Variants in TRIM36 observed in about 807,000 individuals in gnomAD.
TRIM36 encodes tripartite motif containing 36.
TRIM36 carries 42 observed loss-of-function variants against 72.4 expected under a neutral mutation model. The ratio of observed to expected loss-of-function variants is 0.58; its 90% confidence interval spans 0.45 to 0.75. TRIM36 has a LOEUF of 0.75. Among genes scored for constraint, TRIM36 ranks in the 30% least tolerant of loss-of-function variants. The pLI is 0.00. For synonymous variants in TRIM36, 315 were observed against 282.8 expected, an observed-to-expected ratio of 1.11 and a Z score of -1.14; for missense variants, 913 against 857.1, an observed-to-expected ratio of 1.07 and a Z score of -0.81.
chr5:115,165,040 A>C (rs6594879), intron 1 of TRIM36, among the ~76,000 whole-genome samples: 83,920 of 152,096 alleles, frequency 0.55, 25,878 homozygotes, highest in African/African-American at 0.83. Flanking sequence ...CCTTTGACTC[A>C]ATGTCTCTCA....
upstream of TRIM36, among the ~76,000 whole-genome samples, chr5:115,170,163 C>A (rs1424406514): frequency 6.8e-6 from 1 of 147,780 alleles, no homozygotes; most frequent in Non-Finnish European, 1.5e-5. Context: ...CCCGGGTAGT[C>A]GCCCGTCGCC....
At chr5:115,141,810 G>C (rs1449676996) in intron 4 of TRIM36, among the ~76,000 whole-genome samples, 1 of 152,022 alleles carries the variant, frequency 6.6e-6, no homozygotes. Flanking sequence ...AATAGGAGTA[G>C]CAACAAAGAG....
At chr5:115,141,620 T>C (rs1047029087) in intron 4 of TRIM36, among the ~76,000 whole-genome samples, 1 of 152,202 alleles carries the variant, frequency 6.6e-6, no homozygotes, top group Non-Finnish European at 1.5e-5. Flanking sequence ...AATGGTTAAA[T>C]TAGTCAAAAC....
At chr5:115,142,787 C>T (rs924852602) in intron 4 of TRIM36, among the ~76,000 whole-genome samples, 2 of 152,146 alleles carry the variant, frequency 1.3e-5, no homozygotes, top group African/African-American at 4.8e-5. Flanking sequence ...TGTAAAAAGA[C>T]AAGGCTACCT....
intron 5 of TRIM36, among the ~76,000 whole-genome samples, chr5:115,138,900 C>G (rs1012666972): frequency 6.6e-6 from 1 of 152,170 alleles, no homozygotes; most frequent in African/African-American, 2.4e-5. Context: ...ACTGCAAGCT[C>G]CGCCTCCAAG....
rs556386579 is a variant in TRIM36, at chr5:115,129,376, A to G, written c.1796+1216T>C. On this transcript the variant is annotated intron_variant, in intron 9 of 9. Coordinates refer to ENST00000513154, the MANE Select transcript of TRIM36 (RefSeq NM_001300759.2). ...TCGGGAATTCGAGACCAGCCTGACC[A>G]ACATGGAGAAACCCCATCTCTACTA... 2.0e-4 allele frequency among the ~76,000 whole-genome samples: 31 copies of G among 152,246 alleles called. No individual in the cohort carries two copies. In the East Asian group the frequency reaches 5.6e-3, roughly 28 times the overall value.
chr5:115,166,473 G>T lies in TRIM36; in HGVS notation c.28-2721C>A, dbSNP rs74647892. On this transcript the variant is annotated intron_variant, in intron 1 of 9. Transcript: ENST00000513154. ...CTCTGCTGAGAGCTGCAGTTGTCGG[G>T]AGGAACTGCCTGCAGAAAGCAGCTA... Among the ~76,000 whole-genome samples, 819 of 152,280 alleles carry T rather than the reference G, an allele frequency of 5.4e-3. 1 individual carries two copies. Among genetic ancestry groups the T allele is most frequent in the Non-Finnish European group, 8.4e-3 (571 of 68,008 alleles).
exon 1 of TRIM36, chr5:115,180,093 T>A: frequency 6.5e-7 from 1 of 1,549,678 alleles, no homozygotes; most frequent in Non-Finnish European, 8.9e-7. Flanking sequence ...GAATTTGTCC[T>A]TTCTTTTCTC....
At chr5:115,135,812 T>G (rs1752934735) in intron 7 of TRIM36, among the ~76,000 whole-genome samples, 1 of 152,222 alleles carries the variant, frequency 6.6e-6, no homozygotes. Flanking sequence ...TCATAGTAAG[T>G]AAGTATCAGA....
At chr5:115,162,362 T>C (rs571095844) in intron 2 of TRIM36, among the ~76,000 whole-genome samples, 8 of 152,224 alleles carry the variant, frequency 5.3e-5, no homozygotes, top group Non-Finnish European at 1.0e-4. Flanking sequence ...ATATAAGCCA[T>C]TGTGGCACTC....
chr5:115,130,781 G>A lies in TRIM36; in HGVS notation c.1607C>T (p.Ala536Val), dbSNP rs1173161772. The A allele has an allele frequency of 3.1e-6, 5 of 1,614,110 alleles. No homozygotes were observed. The highest frequency in any genetic ancestry group is 1.1e-5 in the South Asian group (1 of 91,076). Reference protein sequence around the residue: ...ESRAGFNLLLAAERIQVGYYT... With the variant: ...ESRAGFNLLLVAERIQVGYYT... ...ATAACCCACTTGGATGCGTTCTGCA[G>A]CAAGCAGAAGATTAAATCCAGCTCT... Residue 536 changes from alanine (A) to valine (V), a missense_variant, in exon 9 of 10, where the codon GCT becomes GTT. Transcript: ENST00000513154.
intron 1 of TRIM36, among the ~76,000 whole-genome samples, chr5:115,169,257 C>A (rs1416442940): frequency 2.6e-5 from 4 of 152,354 alleles, no homozygotes; most frequent in East Asian, 3.9e-4. Flanking sequence ...GGACGCGCCC[C>A]AGCTTTCTGC....
At chr5:115,157,360 C>T (rs575160675) in intron 2 of TRIM36, among the ~76,000 whole-genome samples, 2 of 152,016 alleles carry the variant, frequency 1.3e-5, no homozygotes, top group Admixed American at 1.3e-4. Flanking sequence ...GTCAACAGTT[C>T]GAGACCAGCC....
In TRIM36 at chr5:115,130,627, T is replaced by C; in HGVS notation, c.1761A>G (p.Glu587=). The stretch of plus-strand genomic sequence containing the variant: ...CTGCATCCCGGGGAGAACGGAGCCA[T>C]TCTTGTAGTTTATCGCTAGAAGCAA... ...VGVASSDKLQ[E]WLRSPRDAVS... The change falls in exon 9 of 10, where the codon GAA becomes GAG. Residue 587 remains glutamate, a synonymous_variant. Coordinates refer to ENST00000513154, the MANE Select transcript of TRIM36 (RefSeq NM_001300759.2). 6.2e-7 allele frequency: 1 copy of C among 1,614,172 alleles called. No homozygotes were observed.
intron 9 of TRIM36, among the ~76,000 whole-genome samples, chr5:115,128,031 T>A (rs1289961384): frequency 6.7e-6 from 1 of 148,314 alleles, no homozygotes; most frequent in Admixed American, 6.8e-5. Context: ...ATGCTTAAAA[T>A]GTTAAAAATT....
intron 8 of TRIM36, among the ~76,000 whole-genome samples, chr5:115,132,529 G>A (rs183819259): frequency 1.3e-4 from 18 of 140,854 alleles, no homozygotes; most frequent in Non-Finnish European, 2.4e-4. Flanking sequence ...GGGTGACAGA[G>A]CCAGACTCCA....
At chr5:115,136,520 C>T (rs939384314) in intron 7 of TRIM36, among the ~76,000 whole-genome samples, 6 of 152,138 alleles carry the variant, frequency 3.9e-5, no homozygotes, top group Non-Finnish European at 7.3e-5. Flanking sequence ...AAACAGCCTG[C>T]AGATTCCATT....
Position 115,169,770 on chromosome 5 carries a change from G to C in TRIM36, c.-136C>G. ...TGGAAGATGAGCTGGTCAGCTGTAC[G>C]TGGCCAGCGGACCGACGCGGGGAGA... is the stretch of plus-strand genomic sequence containing the variant. On this transcript the variant is annotated 5_prime_UTR_variant, in exon 1 of 10. Coordinates refer to ENST00000513154, the MANE Select transcript of TRIM36 (RefSeq NM_001300759.2). 7 of 1,336,974 alleles carry C rather than the reference G, an allele frequency of 5.2e-6. No homozygotes were observed. Among genetic ancestry groups the C allele is most frequent in the Non-Finnish European group, 6.8e-6 (7 of 1,035,446 alleles). The allele number at this position is 1,336,974 out of a possible 1,614,324, so 82.8% of individuals were successfully genotyped here. A position where few individuals can be genotyped will look rare whatever the true frequency, so the allele number is the denominator to read the frequency against.
At chr5:115,157,645 CATT>C (rs1451303994) in intron 2 of TRIM36, among the ~76,000 whole-genome samples, 1 of 151,986 alleles carries the variant, frequency 6.6e-6, no homozygotes, top group African/African-American at 2.4e-5. Context: ...GAAAAGCAGT[CATT>C]ATACAAAAAA....
Sources: gnomAD v4.1 joint callset for allele counts (sites outside exome capture counted in the v4.1 genomes callset) on GRCh38, gnomAD v4.1.1 for gene constraint, MANE v1.5 for transcripts, NCBI Gene and HGNC (gene_info 2026-07-23, HGNC 2026-07-21) for gene names.